Variants in TMEM38A observed in about 807,000 individuals in gnomAD.
TMEM38A encodes the protein transmembrane protein 38A, also known as trimeric intracellular cation channel type A.
Under a neutral mutation model 28.6 loss-of-function variants are expected in TMEM38A, and 17 were observed. That is an observed-to-expected ratio of 0.60 (90% CI 0.41 to 0.89). The LOEUF (loss-of-function observed/expected upper bound fraction) is 0.89. Among genes scored for constraint, TMEM38A ranks in the 40% least tolerant of loss-of-function variants. The pLI, the probability that TMEM38A is intolerant of heterozygous loss-of-function variation, is 0.00. For synonymous variants in TMEM38A, 169 were observed against 166.1 expected (o/e 1.02, Z -0.14); for missense variants, 328 against 393.1 (o/e 0.83, Z 1.40).
At chr19:16,669,938 C>G (rs78484311) in intron 1 of TMEM38A, among the ~76,000 whole-genome samples, 1,958 of 151,898 alleles carry the variant, frequency 0.013, 37 homozygotes, top group African/African-American at 0.045. Flanking sequence ...TGATTTTTTT[C>G]TGTTTGTTTA....
intron 4 of TMEM38A, among the ~76,000 whole-genome samples, chr19:16,683,400 G>A (rs2122597412): frequency 6.6e-6 from 1 of 151,852 alleles, no homozygotes; most frequent in Middle Eastern, 3.4e-3. Context: ...ACAAGACTGG[G>A]CAACATAGTG....
Position 16,680,591 on chromosome 19 carries a change from A to G in TMEM38A, c.466+10A>G, listed in dbSNP as rs370029219. 1.9e-6 allele frequency: 3 copies of G among 1,607,160 alleles called. No individual in the cohort carries two copies. The highest frequency in any genetic ancestry group is 1.7e-6 in the Non-Finnish European group (2 of 1,174,264). On this transcript the variant is annotated intron_variant, in intron 3 of 5. Transcript: ENST00000187762. Reference sequence around the variant, plus strand: ...ACTGGGTGGGTCAAAGGTAAATAGGATGATGACAATGAAAAATCATCCCAG... The same window carrying G: ...ACTGGGTGGGTCAAAGGTAAATAGGGTGATGACAATGAAAAATCATCCCAG...
At position 16,680,564 on chromosome 19, in the gene TMEM38A, C is replaced by T; in HGVS notation, c.449C>T (p.Ala150Val). 1 of 1,613,974 alleles carries T rather than the reference C, an allele frequency of 6.2e-7. No homozygotes were observed. The highest frequency in any genetic ancestry group is 8.5e-7 in the Non-Finnish European group (1 of 1,179,898). ...CACCACGGGTGGTTCGTCATGATTGCAACTGGGTGGGTCAAAGGTAAATAG... is the reference window on the plus strand; with the variant it reads ...CACCACGGGTGGTTCGTCATGATTGTAACTGGGTGGGTCAAAGGTAAATAG... ...HYHHGWFVMI[A>V]TGWVKGSGVA... The change falls in exon 3 of 6, where the codon GCA (alanine) becomes GTA (valine). Residue 150 changes from alanine to valine, a missense_variant. By Grantham distance (64) the Ala-to-Val change is moderately conservative. Transcript: ENST00000187762.
intron 5 of TMEM38A, among the ~76,000 whole-genome samples, chr19:16,687,284 A>G (rs1468510173): frequency 6.6e-6 from 1 of 152,116 alleles, no homozygotes; most frequent in Non-Finnish European, 1.5e-5. Context: ...GTGAGCTAAG[A>G]TCGCACCACC....
At chr19:16,678,766 CAA>C (rs61142232) in intron 1 of TMEM38A, among the ~76,000 whole-genome samples, 6,821 of 48,394 alleles carry the variant, frequency 0.14, 351 homozygotes, top group African/African-American at 0.34. Flanking sequence ...ACCCTGTGTC[CAA>C]AAAAAAAAAA....
intron 1 of TMEM38A, among the ~76,000 whole-genome samples, chr19:16,668,862 C>CT (rs1256650186): frequency 7.6e-6 from 1 of 132,118 alleles, no homozygotes; most frequent in Non-Finnish European, 1.6e-5. Flanking sequence ...GGACTTTGCT[C>CT]TTGTTACCCA....
chr19:16,674,351 G>T (rs1379583090), intron 1 of TMEM38A, among the ~76,000 whole-genome samples: 1 of 145,342 alleles, frequency 6.9e-6, no homozygotes, highest in East Asian at 2.0e-4. Flanking sequence ...TCACACCACT[G>T]CACTCCAGCC....
At chr19:16,675,995 C>G (rs2086749388) in intron 1 of TMEM38A, among the ~76,000 whole-genome samples, 1 of 152,176 alleles carries the variant, frequency 6.6e-6, no homozygotes, top group African/African-American at 2.4e-5. Context: ...AACAGACACT[C>G]TTTCTCTTCC....
At chr19:16,666,964 AAAG>A (rs1394652903) in intron 1 of TMEM38A, among the ~76,000 whole-genome samples, 2 of 150,782 alleles carry the variant, frequency 1.3e-5, no homozygotes, top group African/African-American at 2.4e-5. Context: ...AAAAAAAAAA[AAAG>A]AAAAGAAATG....
intron 3 of TMEM38A, 121 bp from the exon 4 acceptor site, chr19:16,682,300 C>T (rs963200055): frequency 2.7e-6 from 2 of 754,508 alleles, no homozygotes; most frequent in Non-Finnish European, 4.6e-6. Flanking sequence ...CATACACCCC[C>T]AGGCTCAGTG....
intron 4 of TMEM38A, among the ~76,000 whole-genome samples, chr19:16,684,888 A>C (rs1049803929): frequency 2.0e-5 from 3 of 151,624 alleles, no homozygotes; most frequent in Admixed American, 1.3e-4. Flanking sequence ...AAAAAAAAAA[A>C]AAACTTAAAA....
intron 4 of TMEM38A, among the ~76,000 whole-genome samples, chr19:16,683,171 A>G (rs931207361): frequency 6.6e-6 from 1 of 151,880 alleles, no homozygotes; most frequent in African/African-American, 2.4e-5. Context: ...ATGGGGTTTC[A>G]CCATGTTGGT....
At chr19:16,675,543 TA>T (rs1474591219) in intron 1 of TMEM38A, among the ~76,000 whole-genome samples, 26 of 132,770 alleles carry the variant, frequency 2.0e-4, no homozygotes, top group Non-Finnish European at 3.4e-4. Flanking sequence ...CTCTCTTGAC[TA>T]TTTTTTTTTT....
At chr19:16,685,113 G>A (rs2086796641) in intron 4 of TMEM38A, among the ~76,000 whole-genome samples, 2 of 150,410 alleles carry the variant, frequency 1.3e-5, no homozygotes, top group African/African-American at 2.5e-5. Context: ...TTGGCTGGGC[G>A]TGGTAGCTCA....
At chr19:16,680,775 C>A in intron 3 of TMEM38A, 194 bp downstream of exon 3, 1 of 592,020 alleles carries the variant, frequency 1.7e-6, no homozygotes, top group Non-Finnish European at 3.0e-6. Flanking sequence ...AGAAATGTTA[C>A]TGTCAGGGGT....
intron 1 of TMEM38A, among the ~76,000 whole-genome samples, chr19:16,662,708 T>A (rs1313117220): frequency 6.6e-6 from 1 of 151,876 alleles, no homozygotes; most frequent in Non-Finnish European, 1.5e-5. Context: ...CACCTAGGCC[T>A]CCCAAAGTGC....
intron 1 of TMEM38A, among the ~76,000 whole-genome samples, chr19:16,675,667 G>C (rs2122587308): frequency 6.6e-6 from 1 of 150,398 alleles, no homozygotes; most frequent in Admixed American, 6.7e-5. Context: ...TCCTACCTCT[G>C]CCTCCCTAGT....
chr19:16,661,406 G>A lies in TMEM38A; in HGVS notation c.124+65G>A. 1 of 1,394,218 alleles carries A rather than the reference G, an allele frequency of 7.2e-7. No individual in the cohort carries two copies. The highest frequency in any genetic ancestry group is 1.4e-5 in the South Asian group (1 of 72,632). The allele number at this position is 1,394,218 out of a possible 1,614,324, so 86.4% of individuals were successfully genotyped here. ...TGGCGCGGGCCGGGGCAGCTCGGGG[G>A]TCGCAGAGAGGGGAAGCCCGTGCGT... is the stretch of plus-strand genomic sequence containing the variant. On this transcript the variant is annotated intron_variant, in intron 1 of 5. Coordinates refer to ENST00000187762, the MANE Select transcript of TMEM38A (RefSeq NM_024074.4). The surrounding 1 kb of genome is among the most constrained non-coding windows in gnomAD (Gnocchi z 6.5).
intron 3 of TMEM38A, among the ~76,000 whole-genome samples, chr19:16,681,212 T>A (rs1400838783): frequency 6.6e-6 from 1 of 152,130 alleles, no homozygotes; most frequent in Non-Finnish European, 1.5e-5. Flanking sequence ...CACTTCAGCC[T>A]AGGAGTTCAA....
Sources: gnomAD v4.1 joint callset for allele counts (sites outside exome capture counted in the v4.1 genomes callset) on GRCh38, gnomAD v4.1.1 for gene constraint, Gnocchi (gnomAD v3.1) non-coding constraint, MANE v1.5 for transcripts, NCBI Gene and HGNC (gene_info 2026-07-23, HGNC 2026-07-21) for gene names.